The following AVL9 variants were observed in gnomAD, a reference collection of about 807,000 sequenced individuals.
AVL9 encodes AVL9 cell migration associated.
Under a neutral mutation model 79.2 loss-of-function variants are expected in AVL9, and 49 were observed. The ratio of observed to expected loss-of-function variants is 0.62; its 90% CI spans 0.49 to 0.79. AVL9 has a LOEUF of 0.79. AVL9 is among the 30% of genes least tolerant of loss of function. AVL9 has a pLI of 0.00. For synonymous variants in AVL9, 299 were observed against 280.6 expected (o/e 1.07, Z -0.65); for missense variants, 682 against 776.8 (o/e 0.88, Z 1.45).
intron 15 of AVL9, among the ~76,000 whole-genome samples, chr7:32,583,580 G>A (rs1375627723): frequency 6.6e-6 from 1 of 152,168 alleles, no homozygotes; most frequent in East Asian, 1.9e-4. Context: ...TTGGGAAGCT[G>A]AGGTGGGAGG....
chr7:32,532,231 C>T (rs1269116789), intron 1 of AVL9: 2 of 152,236 alleles, frequency 1.3e-5, no homozygotes, highest in African/African-American at 4.8e-5. Context: ...AGCCACTTCT[C>T]TCCAGTGTCC....
chr7:32,516,161 T>C (rs560472882), intron 1 of AVL9, among the ~76,000 whole-genome samples: 1 of 152,348 alleles, frequency 6.6e-6, no homozygotes, highest in Admixed American at 6.5e-5. Context: ...CTCACCTCTT[T>C]GGCTTTTGTG....
At chr7:32,566,833 A>C (rs997774025) in intron 10 of AVL9, among the ~76,000 whole-genome samples, 1 of 152,198 alleles carries the variant, frequency 6.6e-6, no homozygotes, top group Admixed American at 6.5e-5. Context: ...CAGTGAACCG[A>C]GATCGCGCCA....
At chr7:32,545,784 T>A (rs6967167) in intron 3 of AVL9, among the ~76,000 whole-genome samples, 43,141 of 152,054 alleles carry the variant, frequency 0.28, 6,561 homozygotes, top group Admixed American at 0.44. Context: ...CTGTTTTTTT[T>A]GTGGTGGGGA....
At chr7:32,502,741 A>C (rs1372596014) in intron 1 of AVL9, among the ~76,000 whole-genome samples, 1 of 152,180 alleles carries the variant, frequency 6.6e-6, no homozygotes, top group Non-Finnish European at 1.5e-5. Flanking sequence ...ACACAATTTA[A>C]GTTACTCTGG....
At chr7:32,520,745 T>G (rs1295051222) in intron 1 of AVL9, among the ~76,000 whole-genome samples, 1 of 152,162 alleles carries the variant, frequency 6.6e-6, no homozygotes, top group Non-Finnish European at 1.5e-5. Context: ...CAGAATCATA[T>G]GACTGTTTGA....
At chr7:32,541,399 A>G (rs1206135350) in intron 1 of AVL9, among the ~76,000 whole-genome samples, 1 of 152,156 alleles carries the variant, frequency 6.6e-6, no homozygotes, top group Admixed American at 6.5e-5. Context: ...AGTAATAATT[A>G]CCAGGACTCC....
intron 1 of AVL9, among the ~76,000 whole-genome samples, chr7:32,502,208 T>TA (rs1413149726): frequency 6.6e-6 from 1 of 151,134 alleles, no homozygotes; most frequent in Non-Finnish European, 1.5e-5. Context: ...TGCCAAAAAG[T>TA]AAAAAAATTA....
rs1353811092 is a variant in AVL9, at chr7:32,588,229, C to T, written c.*4322C>T. On this transcript the variant is annotated 3_prime_UTR_variant, in exon 16 of 16. Transcript: ENST00000318709. ...TTGAACATTTCAGTTAGGTACTGAG[C>T]CAGAAAAGGTAATTGAAGTTTTCAG... The T allele has an allele frequency of 6.6e-6, 1 of 151,998 alleles. No individual in the cohort carries two copies. Among genetic ancestry groups the T allele is most frequent in the Non-Finnish European group, 1.5e-5 (1 of 67,994 alleles). 9.4% of individuals were successfully genotyped at this position (151,998 alleles called of 1,614,324 possible).
At chr7:32,564,787 G>T (rs1010008457) in intron 10 of AVL9, among the ~76,000 whole-genome samples, 4 of 152,184 alleles carry the variant, frequency 2.6e-5, no homozygotes, top group African/African-American at 9.7e-5. Context: ...TAAGAGGCGG[G>T]GCTAGAGGCA....
At chr7:32,516,647 T>C (rs1411801828) in intron 1 of AVL9, among the ~76,000 whole-genome samples, 2 of 152,050 alleles carry the variant, frequency 1.3e-5, no homozygotes, top group Non-Finnish European at 2.9e-5. Flanking sequence ...CATTCCATGC[T>C]TTGAGCCCTC....
chr7:32,572,152 A>G (rs1356565783), intron 11 of AVL9, among the ~76,000 whole-genome samples: 5 of 146,150 alleles, frequency 3.4e-5, no homozygotes, highest in African/African-American at 1.4e-4. Context: ...ATAGAGTGAA[A>G]TTCTGTCTCA....
intron 10 of AVL9, 25 bp from the exon 11 acceptor site, chr7:32,569,995 T>G: frequency 6.2e-7 from 1 of 1,611,356 alleles, no homozygotes; most frequent in Non-Finnish European, 8.5e-7. Flanking sequence ...TTTCTGATAT[T>G]TTCTATTACT....
At chr7:32,526,774 G>A (rs1464619044) in intron 1 of AVL9, among the ~76,000 whole-genome samples, 2 of 152,154 alleles carry the variant, frequency 1.3e-5, no homozygotes, top group African/African-American at 2.4e-5. Context: ...GAGTAGGGCA[G>A]GGTTTGTTGG....
chr7:32,567,902 T>TA (rs1008637565), intron 10 of AVL9, among the ~76,000 whole-genome samples: 16 of 151,918 alleles, frequency 1.1e-4, no homozygotes, highest in Non-Finnish European at 1.9e-4. Flanking sequence ...ATATTTTTAG[T>TA]AGAGACAGGG....
chr7:32,559,499 G>T, intron 10 of AVL9, 35 bp downstream of exon 10: 1 of 1,496,958 alleles, frequency 6.7e-7, no homozygotes, highest in South Asian at 1.4e-5. Context: ...ATTCCTTAAA[G>T]AATTTGAAAA....
At chr7:32,564,371 A>G (rs1185663142) in intron 10 of AVL9, among the ~76,000 whole-genome samples, 2 of 152,258 alleles carry the variant, frequency 1.3e-5, no homozygotes. Flanking sequence ...AATATAAAAT[A>G]TTCTTAAAAC....
intron 11 of AVL9, 144 bp from the exon 12 acceptor site, chr7:32,573,055 C>T (rs949988228): frequency 8.4e-6 from 5 of 597,556 alleles, no homozygotes; most frequent in Admixed American, 3.0e-5. Flanking sequence ...GTGTACAAAC[C>T]TCTTTCTTAG....
chr7:32,583,570 T>G (rs900941812), intron 15 of AVL9, among the ~76,000 whole-genome samples: 5 of 152,056 alleles, frequency 3.3e-5, no homozygotes, highest in Non-Finnish European at 7.4e-5. Flanking sequence ...TCCTAGCTAC[T>G]TGGGAAGCTG....
Sources: gnomAD v4.1 joint callset for allele counts (sites outside exome capture counted in the v4.1 genomes callset) on GRCh38, gnomAD v4.1.1 for gene constraint, MANE v1.5 for transcripts, NCBI Gene and HGNC (gene_info 2026-07-23, HGNC 2026-07-21) for gene names.